The following HECW2 variants were observed in gnomAD, a reference collection of about 807,000 sequenced individuals.
HECW2 encodes the protein HECT, C2 and WW domain containing E3 ubiquitin protein ligase 2.
A neutral mutation model predicts 175.2 loss-of-function variants in HECW2; 61 were observed. The observed-to-expected ratio is 0.35, with a 90% CI of 0.28 to 0.43. The LOEUF (loss-of-function observed/expected upper bound fraction) is 0.43, where lower values mean the gene tolerates loss of function less well. HECW2 is among the 20% of genes least tolerant of loss of function. The probability of loss-of-function intolerance (pLI) is 1.00; values close to 1 mark genes in which losing one functional copy is unlikely to be tolerated. For synonymous variants in HECW2, 671 were observed against 731.0 expected, an observed-to-expected ratio of 0.92 and a Z score of 1.32; for missense variants, 1,524 against 2,000.5, an observed-to-expected ratio of 0.76 and a Z score of 4.54.
At chr2:196,346,219 T>G (rs993424971) in intron 2 of HECW2, among the ~76,000 whole-genome samples, 1 of 152,170 alleles carries the variant, frequency 6.6e-6, no homozygotes, top group Non-Finnish European at 1.5e-5. Flanking sequence ...ATTACTAAAC[T>G]TTTTCTCCCC....
At chr2:196,575,304 A>C (rs1329880432) in intron 1 of HECW2, among the ~76,000 whole-genome samples, 1 of 152,166 alleles carries the variant, frequency 6.6e-6, no homozygotes, top group African/African-American at 2.4e-5. Flanking sequence ...ACTCTGGTAC[A>C]CTTAGTGAGA....
intron 28 of HECW2, among the ~76,000 whole-genome samples, chr2:196,210,264 A>ATG (rs768741649): frequency 6.5e-5 from 9 of 139,400 alleles, no homozygotes; most frequent in East Asian, 2.8e-4. Flanking sequence ...TTGTTTTAAA[A>ATG]TGTGTGTGTG....
chr2:196,234,107 A>G (rs1485306407), intron 21 of HECW2, among the ~76,000 whole-genome samples: 3 of 152,064 alleles, frequency 2.0e-5, no homozygotes, highest in Admixed American at 1.3e-4. Context: ...CACATAATAA[A>G]CTCATTCTTT....
chr2:196,348,125 A>AT (rs1286977272), intron 2 of HECW2, among the ~76,000 whole-genome samples: 5 of 152,144 alleles, frequency 3.3e-5, no homozygotes, highest in African/African-American at 1.2e-4. Context: ...TTTAGATTAA[A>AT]TTTTTTGTTC....
Position 196,228,246 on chromosome 2 carries a change from T to G in HECW2, c.3773A>C (p.Tyr1258Ser). ...VTFVGEEGLD[Y>S]SGPSREFFFL... ...GAAAAACTCTCTAGAAGGCCCACTGTAATCCAGCCTGTAACAAAAATCCAC... is the reference window on the plus strand; with the variant it reads ...GAAAAACTCTCTAGAAGGCCCACTGGAATCCAGCCTGTAACAAAAATCCAC... The change falls in exon 22 of 29, where the codon TAC becomes TCC. Residue 1258 changes from tyrosine to serine, a missense_variant. Physicochemically the swap from Tyr to Ser is moderately radical, Grantham distance 144. Coordinates refer to ENST00000644978, the MANE Select transcript of HECW2 (RefSeq NM_001348768.2). 6.3e-7 allele frequency: 1 copy of G among 1,589,904 alleles called. No homozygotes were observed. Among genetic ancestry groups the G allele is most frequent in the Non-Finnish European group, 8.5e-7 (1 of 1,173,708 alleles).
At chr2:196,439,721 G>A (rs952670436) in intron 1 of HECW2, among the ~76,000 whole-genome samples, 1 of 152,150 alleles carries the variant, frequency 6.6e-6, no homozygotes, top group South Asian at 2.1e-4. Context: ...ACAGTAGGGA[G>A]TGGGGAGCCA....
At chr2:196,541,160 G>A (rs778884767) in intron 1 of HECW2, among the ~76,000 whole-genome samples, 2 of 152,046 alleles carry the variant, frequency 1.3e-5, no homozygotes, top group Non-Finnish European at 2.9e-5. Flanking sequence ...CAGACTGCCT[G>A]TGCACCTCTG....
chr2:196,284,900 T>C (rs978880990), intron 14 of HECW2, among the ~76,000 whole-genome samples: 8 of 152,242 alleles, frequency 5.3e-5, no homozygotes, highest in Non-Finnish European at 1.0e-4. Flanking sequence ...CATTGGCTAC[T>C]AGCAAAGCAA....
chr2:196,275,550 G>A (rs557709965), intron 15 of HECW2, among the ~76,000 whole-genome samples: 9 of 152,134 alleles, frequency 5.9e-5, no homozygotes, highest in South Asian at 2.1e-4. Context: ...TCAACAGATC[G>A]AGACCATCCT....
chr2:196,436,331 G>A (rs973213667), intron 1 of HECW2, among the ~76,000 whole-genome samples: 1 of 151,530 alleles, frequency 6.6e-6, no homozygotes, highest in Admixed American at 6.6e-5. Flanking sequence ...AACCCAGGAG[G>A]CGGAGCTTGC....
chr2:196,457,850 C>T (rs183758302), intron 1 of HECW2, among the ~76,000 whole-genome samples: 5 of 152,134 alleles, frequency 3.3e-5, no homozygotes, highest in Non-Finnish European at 2.9e-5. Flanking sequence ...TACACAAGCA[C>T]GCTATACTTA....
Position 196,320,446 on chromosome 2 carries a change from GA to G in HECW2, c.885-8del. On this transcript the variant is annotated splice_region_variant and splice_polypyrimidine_tract_variant and intron_variant, in intron 7 of 28. Transcript: ENST00000644978. ...GTAGCTGAGCATTTGATCACTGCAA[GA>G]AGAGAAATGCTTCTTTCATCCTGAC... 2 of 1,591,372 alleles carry G rather than the reference GA, an allele frequency of 1.3e-6. No individual in the cohort carries two copies. The highest frequency in any genetic ancestry group is 1.7e-6 in the Non-Finnish European group (2 of 1,160,538).
intron 1 of HECW2, among the ~76,000 whole-genome samples, chr2:196,578,152 T>C (rs1690628693): frequency 6.6e-6 from 1 of 151,996 alleles, no homozygotes; most frequent in Admixed American, 6.6e-5. Context: ...CACCAAAGAA[T>C]ATCAATATAA....
intron 19 of HECW2, 89 bp from the exon 20 acceptor site, chr2:196,242,293 A>C: frequency 6.5e-7 from 1 of 1,531,326 alleles, no homozygotes; most frequent in Non-Finnish European, 8.9e-7. Flanking sequence ...TATCACAATC[A>C]ACAAGTCAAA....
intron 4 of HECW2, chr2:196,331,411 C>G (rs984594375): frequency 7.3e-6 from 3 of 409,844 alleles, no homozygotes; most frequent in Non-Finnish European, 9.9e-6. Flanking sequence ...CCTCGGTAAC[C>G]TGCCATTCCT....
intron 2 of HECW2, among the ~76,000 whole-genome samples, chr2:196,389,118 G>T (rs1694433935): frequency 6.6e-6 from 1 of 152,154 alleles, no homozygotes; most frequent in Admixed American, 6.6e-5. Flanking sequence ...GGACCATTCA[G>T]GACAAACTTT....
At chr2:196,469,918 C>A (rs187691901) in intron 1 of HECW2, among the ~76,000 whole-genome samples, 102 of 150,486 alleles carry the variant, frequency 6.8e-4, no homozygotes, top group Non-Finnish European at 6.4e-4. Context: ...ACAATGAATC[C>A]AAAAAAAATT....
chr2:196,522,995 T>C (rs1688468422), intron 1 of HECW2, among the ~76,000 whole-genome samples: 1 of 151,932 alleles, frequency 6.6e-6, no homozygotes, highest in Non-Finnish European at 1.5e-5. Flanking sequence ...TTTAAAGTAG[T>C]TTTTTCCAAT....
At position 196,240,542 on chromosome 2, in the gene HECW2, T is replaced by C. The variant is rs771542620; in HGVS notation, c.3671A>G (p.His1224Arg). The change falls in exon 21 of 29, where the codon CAC becomes CGC. Residue 1224 changes from histidine to arginine, a missense_variant. This residue lies in a region of HECW2 where 291 missense variants were observed against 412.2 expected (regional missense o/e 0.71). Transcript: ENST00000644978. ...GKLKLIIRRDHLLEDAFNQIM... is the reference protein window; with the variant it reads ...GKLKLIIRRDRLLEDAFNQIM... ...CTGATTAAAAGCATCTTCTAGTAAG[T>C]GATCTCTTCGGATAATTAACCTGTC... 1 of 1,609,086 alleles carries C rather than the reference T, an allele frequency of 6.2e-7. No homozygotes were observed. Among genetic ancestry groups the C allele is most frequent in the Non-Finnish European group, 8.5e-7 (1 of 1,178,496 alleles).
Sources: allele counts gnomAD v4.1 joint callset (sites outside exome capture counted in the v4.1 genomes callset), GRCh38; gene constraint gnomAD v4.1.1; regional missense constraint gnomAD v4.1.1; transcripts MANE v1.5; gene names NCBI Gene and HGNC (gene_info 2026-07-23, HGNC 2026-07-21).